The following GLIS3 variants were observed in gnomAD, a reference collection of about 807,000 sequenced individuals.
GLIS3 encodes the protein zinc finger protein GLIS3.
In GLIS3, 53 loss-of-function variants were observed where a neutral mutation model predicts 78.6. The observed-to-expected ratio is 0.67, with a 90% CI of 0.54 to 0.85. The LOEUF is 0.85. GLIS3 is among the 40% of genes least tolerant of loss of function. The pLI is 0.00. For missense variants in GLIS3, 1,703 were observed against 1,231.1 expected (o/e 1.38, Z -5.74); for synonymous variants, 684 against 509.9 (o/e 1.34, Z -4.60).
At chr9:3,986,041 T>C (rs1208946942) in intron 4 of GLIS3, among the ~76,000 whole-genome samples, 1 of 152,236 alleles carries the variant, frequency 6.6e-6, no homozygotes, top group Non-Finnish European at 1.5e-5. Context: ...AGAAGGACTT[T>C]CCTGAAGAAA....
At position 4,159,030 on chromosome 9, in the gene GLIS3, G is replaced by GAAAAAAAAAAAAAAAAAA. The variant is rs141412126; in HGVS notation, c.389-33090_389-33089insTTTTTTTTTTTTTTTTTT. Among the ~76,000 whole-genome samples, 15 of 79,096 alleles carry GAAAAAAAAAAAAAAAAAA rather than the reference G, an allele frequency of 1.9e-4. 6 individuals are homozygous for GAAAAAAAAAAAAAAAAAA. The highest frequency in any genetic ancestry group is 2.9e-4 in the African/African-American group (6 of 20,596). The allele number at this position is 79,096 out of a possible 152,430, so 51.9% of individuals were successfully genotyped here. A position where few individuals can be genotyped will look rare whatever the true frequency, so the allele number is the denominator to read the frequency against. On this transcript the variant is annotated intron_variant, in intron 2 of 10. Transcript: ENST00000381971. ...GCTTGGTATGCTAGAGAAAGGAGAA[G>GAAAAAAAAAAAAAAAAAA]AAGAAAAAAAAAAAAAAAAGCCAGG...
chr9:4,033,672 C>G (rs1420474623), intron 4 of GLIS3, among the ~76,000 whole-genome samples: 1 of 152,036 alleles, frequency 6.6e-6, no homozygotes, highest in East Asian at 1.9e-4. Flanking sequence ...TAGGTGATTC[C>G]TATGCACATT....
intron 2 of GLIS3, among the ~76,000 whole-genome samples, chr9:4,342,069 G>C (rs1457073250): frequency 6.6e-6 from 1 of 152,190 alleles, no homozygotes; most frequent in Non-Finnish European, 1.5e-5. Context: ...TCTGTGGATA[G>C]TTTCTTTTGC....
At chr9:4,046,791 G>A (rs1825286100) in intron 4 of GLIS3, among the ~76,000 whole-genome samples, 2 of 152,104 alleles carry the variant, frequency 1.3e-5, no homozygotes, top group Non-Finnish European at 2.9e-5. Flanking sequence ...ATGTTTACTT[G>A]GCAAGTATGG....
intron 1 of GLIS3, among the ~76,000 whole-genome samples, chr9:4,289,802 T>C (rs574886012): frequency 2.6e-5 from 4 of 152,276 alleles, no homozygotes; most frequent in African/African-American, 9.6e-5. Context: ...TCTGCTAATA[T>C]GAGTCAGCAT....
intron 2 of GLIS3, among the ~76,000 whole-genome samples, chr9:4,176,255 G>T (rs771571889): frequency 7.9e-5 from 12 of 152,146 alleles, no homozygotes; most frequent in Admixed American, 5.9e-4. Flanking sequence ...AAAAAATTGG[G>T]AAAATAATTT....
the GLIS3 span, among the ~76,000 whole-genome samples, chr9:4,451,488 A>C: frequency 6.6e-6 from 1 of 152,208 alleles, no homozygotes; most frequent in Non-Finnish European, 1.5e-5. Flanking sequence ...TCAGCTCTGC[A>C]CCAAGTGAAC....
intron 2 of GLIS3, among the ~76,000 whole-genome samples, chr9:4,177,473 C>T (rs1816912031): frequency 6.6e-6 from 1 of 152,180 alleles, no homozygotes; most frequent in Non-Finnish European, 1.5e-5. Context: ...ATGTCTGAAA[C>T]AGATACAGGT....
chr9:4,073,976 T>C (rs1307694416), intron 4 of GLIS3, among the ~76,000 whole-genome samples: 1 of 152,180 alleles, frequency 6.6e-6, no homozygotes, highest in Non-Finnish European at 1.5e-5. Flanking sequence ...AAGGCCATCA[T>C]ACGAACTGAG....
intron 2 of GLIS3, among the ~76,000 whole-genome samples, chr9:4,213,358 T>C (rs1443536449): frequency 6.6e-6 from 1 of 152,178 alleles, no homozygotes; most frequent in Admixed American, 6.5e-5. Flanking sequence ...AACCTGTACA[T>C]ATTCTTTACA....
intron 8 of GLIS3, among the ~76,000 whole-genome samples, chr9:3,873,109 G>A (rs57210761): frequency 0.019 from 2,822 of 152,154 alleles, 86 homozygotes; most frequent in African/African-American, 0.062. Context: ...TCTTCCCAAA[G>A]GAAAAGCCCA....
intron 7 of GLIS3, chr9:3,898,458 C>T: frequency 3.6e-6 from 2 of 557,076 alleles, no homozygotes; most frequent in South Asian, 1.9e-5. Flanking sequence ...TGGCAGAAGT[C>T]CATAACTAAA....
chr9:4,205,205 T>C (rs1819762371), intron 2 of GLIS3, among the ~76,000 whole-genome samples: 3 of 150,410 alleles, frequency 2.0e-5, no homozygotes, highest in Admixed American at 1.3e-4. Context: ...GAATCAGTTA[T>C]GACTATTTCA....
chr9:4,003,960 G>A (rs577469582), intron 4 of GLIS3, among the ~76,000 whole-genome samples: 23 of 152,262 alleles, frequency 1.5e-4, no homozygotes, highest in African/African-American at 3.9e-4. Flanking sequence ...TTCCACTTAC[G>A]ATGACTATTA....
At chr9:4,141,055 C>T (rs957818752) in intron 2 of GLIS3, among the ~76,000 whole-genome samples, 8 of 152,174 alleles carry the variant, frequency 5.3e-5, no homozygotes, top group African/African-American at 1.9e-4. Context: ...CCTCCTCGTC[C>T]TCCCAAAGTT....
the GLIS3 span, among the ~76,000 whole-genome samples, chr9:4,405,716 T>A: frequency 2.0e-5 from 3 of 151,834 alleles, no homozygotes; most frequent in African/African-American, 7.3e-5. Flanking sequence ...CCAAACTCAT[T>A]CTACAAAGCC....
intron 2 of GLIS3, among the ~76,000 whole-genome samples, chr9:4,142,330 C>T (rs566204558): frequency 4.6e-5 from 7 of 152,112 alleles, no homozygotes; most frequent in Non-Finnish European, 8.8e-5. Context: ...TATACAAAGT[C>T]TTAGAAGAGA....
chr9:4,003,391 G>C (rs1821274990), intron 4 of GLIS3, among the ~76,000 whole-genome samples: 1 of 152,094 alleles, frequency 6.6e-6, no homozygotes, highest in Admixed American at 6.6e-5. Flanking sequence ...GACAGAATAG[G>C]GAGAGAAGGA....
At chr9:3,851,349 T>C (rs1421450044) in intron 9 of GLIS3, among the ~76,000 whole-genome samples, 1 of 152,090 alleles carries the variant, frequency 6.6e-6, no homozygotes, top group East Asian at 1.9e-4. Flanking sequence ...ACATCTAAAA[T>C]AAAGGACTAA....
Sources: allele counts gnomAD v4.1 joint callset (sites outside exome capture counted in the v4.1 genomes callset), GRCh38; gene constraint gnomAD v4.1.1; transcripts MANE v1.5; gene names NCBI Gene and HGNC (gene_info 2026-07-23, HGNC 2026-07-21).